Variants in TOP2A observed in about 807,000 individuals in gnomAD.
TOP2A encodes DNA topoisomerase II alpha.
A neutral mutation model predicts 187.2 loss-of-function variants in TOP2A; 68 were observed. The ratio of observed to expected loss-of-function variants is 0.36; its 90% confidence interval spans 0.30 to 0.44. The LOEUF (loss-of-function observed/expected upper bound fraction) is 0.44, where lower values mean the gene tolerates loss of function less well. TOP2A is among the 20% of genes least tolerant of loss of function. The probability of loss-of-function intolerance (pLI) is 1.00; values close to 1 mark genes in which losing one functional copy is unlikely to be tolerated. For synonymous variants in TOP2A, 542 were observed against 593.2 expected (o/e 0.91, Z 1.25); for missense variants, 1,196 against 1,808.7 (o/e 0.66, Z 6.14).
In TOP2A at chr17:40,412,985, G is replaced by C. The variant is rs1482645955; in HGVS notation, c.577-14C>G. 3.1e-6 allele frequency: 5 copies of C among 1,591,572 alleles called. No individual in the cohort carries two copies. Among genetic ancestry groups the C allele is most frequent in the Non-Finnish European group, 4.3e-6 (5 of 1,167,982 alleles). Reference sequence around the variant, plus strand: ...ATCCATCCATGTCTATGGAAGTAAAGAATAGGAAACATGAAAAATTCAAGT... The same window carrying C: ...ATCCATCCATGTCTATGGAAGTAAACAATAGGAAACATGAAAAATTCAAGT... On this transcript the variant is annotated splice_polypyrimidine_tract_variant and intron_variant, in intron 6 of 34. Coordinates refer to ENST00000423485, the MANE Select transcript of TOP2A (RefSeq NM_001067.4).
Position 40,411,827 on chromosome 17 carries a change from G to C in TOP2A, c.790-9C>G. On this transcript the variant is annotated splice_polypyrimidine_tract_variant and intron_variant, in intron 7 of 34. Transcript: ENST00000423485. This position sits in a 1 kb window ranked among gnomAD's most constrained non-coding sequence, Gnocchi z 4.4. ...CTACGAAATCCTTTTACCTGTACAGGAATTAAAGGTAACAGTATTAAGAAA... is the reference window on the plus strand; with the variant it reads ...CTACGAAATCCTTTTACCTGTACAGCAATTAAAGGTAACAGTATTAAGAAA... The C allele has an allele frequency of 6.4e-7, 1 of 1,567,352 alleles. No homozygotes were observed. Among genetic ancestry groups the C allele is most frequent in the East Asian group, 2.2e-5 (1 of 44,572 alleles).
At chr17:40,400,155 TATTA>T in intron 23 of TOP2A, 50 bp downstream of exon 23, 1 of 1,588,734 alleles carries the variant, frequency 6.3e-7, no homozygotes, top group South Asian at 1.1e-5. Flanking sequence ...TTAAAATTGA[TATTA>T]ATCTTTAATA....
intron 33 of TOP2A, chr17:40,391,092 C>T (rs1186900622): frequency 6.4e-6 from 1 of 155,970 alleles, no homozygotes; most frequent in African/African-American, 2.4e-5. Context: ...CTTGCTCTCT[C>T]ACTCAGGCTG....
In TOP2A at chr17:40,395,409, A is replaced by G. The variant is rs1368000944; in HGVS notation, c.3811+40T>C. ...TGTACTAGGTAACAAACACAATTTA[A>G]TCTTCACTTTATACCATTTTTCTAA... On this transcript the variant is annotated intron_variant, in intron 29 of 34. Transcript: ENST00000423485. 2.9e-6 allele frequency: 4 copies of G among 1,385,916 alleles called. No individual in the cohort carries two copies. In the Admixed American group the frequency reaches 6.0e-5, roughly 21 times the overall value. The allele number at this position is 1,385,916 out of a possible 1,614,324, so 85.9% of individuals were successfully genotyped here. A position where few individuals can be genotyped will look rare whatever the true frequency, so the allele number is the denominator to read the frequency against.
Position 40,413,634 on chromosome 17 carries a change from A to T in TOP2A, c.333-9T>A. The T allele has an allele frequency of 8.1e-7, 1 of 1,239,450 alleles. No homozygotes were observed. Among genetic ancestry groups the T allele is most frequent in the Non-Finnish European group, 1.1e-6 (1 of 902,414 alleles). 76.8% of individuals were successfully genotyped at this position (1,239,450 alleles called of 1,614,324 possible). ...TAATTAAATTGTTTTCCCTAAGAAAAAAAGATTGAAAATTGTATTTTACAA... is the reference window on the plus strand; with the variant it reads ...TAATTAAATTGTTTTCCCTAAGAAATAAAGATTGAAAATTGTATTTTACAA... On this transcript the variant is annotated splice_polypyrimidine_tract_variant and intron_variant, in intron 4 of 34. Coordinates refer to ENST00000423485, the MANE Select transcript of TOP2A (RefSeq NM_001067.4).
rs1182470185 is a variant in TOP2A at position 40,399,261 on chromosome 17, C to A, written c.3197-130G>T. 11 of 683,654 alleles carry A rather than the reference C, an allele frequency of 1.6e-5. No homozygotes were observed. In the South Asian group the frequency reaches 1.9e-4, roughly 12 times the overall value. 42.3% of individuals were successfully genotyped at this position (683,654 alleles called of 1,614,324 possible). A position where few individuals can be genotyped will look rare whatever the true frequency, so the allele number is the denominator to read the frequency against. On this transcript the variant is annotated intron_variant, in intron 24 of 34. Transcript: ENST00000423485. ...TTCGTGCTTGCATAAATTTGTATAT[C>A]CCGGTATACAGGCAAGTCTCCCTAA...
chr17:40,400,257 T>C lies in TOP2A; in HGVS notation c.2952A>G (p.Gly984=), dbSNP rs748486089. ...EEKLAEAERV[G]LHKVFKLQTS... ...TTTGGAGTTTGAAGACTTTGTGTAG[T>C]CCAACTCTCTCTGCCTCTGCCAGTT... is the stretch of plus-strand genomic sequence containing the variant. The change falls in exon 23 of 35, where the codon GGA becomes GGG. Residue 984 remains glycine, a synonymous_variant. Transcript: ENST00000423485. 5.6e-6 allele frequency: 9 copies of C among 1,613,806 alleles called. No homozygotes were observed. Among genetic ancestry groups the C allele is most frequent in the Non-Finnish European group, 7.6e-6 (9 of 1,179,884 alleles).
chr17:40,403,127 A>G, intron 19 of TOP2A, 73 bp from the exon 20 acceptor site: 2 of 1,379,068 alleles, frequency 1.5e-6, no homozygotes, highest in Non-Finnish European at 9.8e-7. Flanking sequence ...ACCTCACTAT[A>G]ATCCTGTAAC....
intron 28 of TOP2A, among the ~76,000 whole-genome samples, 188 bp downstream of exon 28, chr17:40,396,095 T>G (rs1421269882): frequency 1.3e-5 from 2 of 151,576 alleles, no homozygotes; most frequent in African/African-American, 4.8e-5. Context: ...TTCTTCTGCC[T>G]CAGTCTCCCG....
At chr17:40,417,348 G>A (rs1375186300) in intron 1 of TOP2A, among the ~76,000 whole-genome samples, 2 of 152,130 alleles carry the variant, frequency 1.3e-5, no homozygotes, top group African/African-American at 4.8e-5. Context: ...GGAAGGGGGC[G>A]CTTTTGTAAG....
intron 22 of TOP2A, 47 bp downstream of exon 22, chr17:40,400,482 T>G (rs1269249510): frequency 8.7e-6 from 14 of 1,600,012 alleles, no homozygotes; most frequent in Non-Finnish European, 1.1e-5. Context: ...GTACAAAAGG[T>G]ATTTCTTTTG....
chr17:40,404,724 G>C (rs2035217966), intron 17 of TOP2A, 67 bp downstream of exon 17: 1 of 1,050,240 alleles, frequency 9.5e-7, no homozygotes, highest in Non-Finnish European at 1.4e-6. Flanking sequence ...AGTTTAATTT[G>C]CTATAGTATC....
chr17:40,411,297 T>C lies in TOP2A; in HGVS notation c.1066-51A>G. ...ACTAAAAATGTACTCATGCTTTATTTATAGCCTTTCTCTTCTTCCTTGACT... is the reference window on the plus strand; with the variant it reads ...ACTAAAAATGTACTCATGCTTTATTCATAGCCTTTCTCTTCTTCCTTGACT... On this transcript the variant is annotated intron_variant, in intron 9 of 34. Transcript: ENST00000423485. The surrounding 1 kb of genome is among the most constrained non-coding windows in gnomAD (Gnocchi z 4.4). 6.2e-7 allele frequency: 1 copy of C among 1,612,624 alleles called. No individual in the cohort carries two copies. Among genetic ancestry groups the C allele is most frequent in the Non-Finnish European group, 8.5e-7 (1 of 1,179,416 alleles).
Position 40,408,014 on chromosome 17 carries a change from G to T in TOP2A, c.1453C>A (p.Pro485Thr). ...VVGRDKYGVF[P>T]LRGKILNVRE... ...ACATTGAGTATTTTTCCTCTAAGAGGGAAAACCCCATATTTGTCTCTCCCA... is the reference window on the plus strand; with the variant it reads ...ACATTGAGTATTTTTCCTCTAAGAGTGAAAACCCCATATTTGTCTCTCCCA... The change falls in exon 12 of 35, where the codon CCT becomes ACT. Residue 485 changes from proline (P) to threonine (T), a missense_variant. Coordinates refer to ENST00000423485, the MANE Select transcript of TOP2A (RefSeq NM_001067.4). 1 of 1,613,248 alleles carries T rather than the reference G, an allele frequency of 6.2e-7. No homozygotes were observed. The highest frequency in any genetic ancestry group is 8.5e-7 in the Non-Finnish European group (1 of 1,179,574).
At chr17:40,396,243 G>C (rs2035096272) in intron 28 of TOP2A, 40 bp downstream of exon 28, 2 of 1,195,368 alleles carry the variant, frequency 1.7e-6, no homozygotes, top group African/African-American at 3.0e-5. Context: ...GGCCCCCAAA[G>C]TGCTGGGATT....
At position 40,404,559 on chromosome 17, in the gene TOP2A, A is replaced by G; in HGVS notation, c.2047-68T>C. ...AATGCTCAACACAAAAATCAAACAGAAACCTTTCAGAACTAAGAATTATTT... is the reference window on the plus strand; with the variant it reads ...AATGCTCAACACAAAAATCAAACAGGAACCTTTCAGAACTAAGAATTATTT... On this transcript the variant is annotated intron_variant, in intron 17 of 34. Coordinates refer to ENST00000423485, the MANE Select transcript of TOP2A (RefSeq NM_001067.4). The G allele has an allele frequency of 1.1e-5, 10 of 927,706 alleles. No individual in the cohort carries two copies. In the South Asian group the frequency reaches 1.6e-4, roughly 15 times the overall value. The allele number at this position is 927,706 out of a possible 1,614,324, so 57.5% of individuals were successfully genotyped here. A position where few individuals can be genotyped will look rare whatever the true frequency, so the allele number is the denominator to read the frequency against.
In TOP2A at chr17:40,388,607, C is replaced by A. The variant is rs1002713732; in HGVS notation, c.*912G>T. The A allele has an allele frequency of 8.2e-5, 15 of 183,780 alleles. No individual in the cohort carries two copies. In the Admixed American group the frequency reaches 9.4e-4, roughly 11 times the overall value. The allele number at this position is 183,780 out of a possible 1,614,324, so 11.4% of individuals were successfully genotyped here. On this transcript the variant is annotated 3_prime_UTR_variant, in exon 35 of 35. Transcript: ENST00000423485. ...AAAACATAGTAAATATTTACAAAAA[C>A]GTTGATAACATTACTCAAGTCACAC... is the stretch of plus-strand genomic sequence containing the variant.
chr17:40,396,587 A>C, intron 27 of TOP2A, 122 bp from the exon 28 acceptor site: 1 of 1,188,746 alleles, frequency 8.4e-7, no homozygotes, highest in Non-Finnish European at 1.2e-6. Flanking sequence ...AAATTGCTCC[A>C]TAACCTAGTA....
chr17:40,407,926 ATAAAT>A (rs753364512), intron 12 of TOP2A, 36 bp downstream of exon 12: 11 of 1,555,080 alleles, frequency 7.1e-6, no homozygotes, highest in Non-Finnish European at 9.6e-6. Context: ...GTCTTGTATT[ATAAAT>A]TAGATTTAGA....
Sources: gnomAD v4.1 joint callset for allele counts (sites outside exome capture counted in the v4.1 genomes callset) on GRCh38, gnomAD v4.1.1 for gene constraint, Gnocchi (gnomAD v3.1) non-coding constraint, MANE v1.5 for transcripts, NCBI Gene and HGNC (gene_info 2026-07-23, HGNC 2026-07-21) for gene names.